Variants in TRPM3 observed in about 807,000 individuals in gnomAD.
TRPM3 encodes long transient receptor potential channel 3.
A neutral mutation model predicts 181.2 loss-of-function variants in TRPM3; 77 were observed. That is an observed-to-expected ratio of 0.42 (90% confidence interval 0.35 to 0.51). The LOEUF (loss-of-function observed/expected upper bound fraction) is 0.51. Ranked by LOEUF, TRPM3 falls within the 20% of genes least tolerant of loss-of-function variation. TRPM3 has a pLI of 0.01. For synonymous variants in TRPM3, 745 were observed against 796.4 expected (o/e 0.94, Z 1.09); for missense variants, 1,759 against 2,196.7 (o/e 0.80, Z 3.98).
At chr9:71,132,384 G>C (rs1026394547) in intron 1 of TRPM3, among the ~76,000 whole-genome samples, 5 of 152,120 alleles carry the variant, frequency 3.3e-5, no homozygotes, top group African/African-American at 1.2e-4. Flanking sequence ...ACAGCAATGT[G>C]AATGAATCTC....
intron 1 of TRPM3, among the ~76,000 whole-genome samples, chr9:71,317,920 GA>G (rs1052527637): frequency 1.3e-5 from 2 of 152,088 alleles, no homozygotes; most frequent in South Asian, 2.1e-4. Flanking sequence ...ATACATCCTA[GA>G]AAAAGTACAG....
chr9:71,178,822 G>A (rs2077244298), intron 1 of TRPM3, among the ~76,000 whole-genome samples: 1 of 152,082 alleles, frequency 6.6e-6, no homozygotes, highest in East Asian at 1.9e-4. Flanking sequence ...TGAGCTCGCT[G>A]TTAAAAATGC....
intron 1 of TRPM3, among the ~76,000 whole-genome samples, chr9:70,954,613 T>C (rs1398111882): frequency 1.3e-5 from 2 of 152,188 alleles, no homozygotes; most frequent in Admixed American, 6.5e-5. Flanking sequence ...TATAATAGTA[T>C]ACATATGACA....
At chr9:71,331,886 A>G (rs143345871) in intron 1 of TRPM3, among the ~76,000 whole-genome samples, 2 of 7,590 alleles carry the variant, frequency 2.6e-4, no homozygotes, top group Non-Finnish European at 4.3e-4. Flanking sequence ...AAGAGGAGGA[A>G]GAAGGGGAGG....
chr9:71,246,936 A>C (rs73647980), intron 1 of TRPM3, among the ~76,000 whole-genome samples: 2,856 of 152,342 alleles, frequency 0.019, 95 homozygotes, highest in African/African-American at 0.066. Flanking sequence ...AAAGCTAAAA[A>C]CTAGCAAAAT....
intron 7 of TRPM3, among the ~76,000 whole-genome samples, chr9:70,770,893 T>A (rs2080115796): frequency 6.6e-6 from 1 of 152,168 alleles, no homozygotes; most frequent in Non-Finnish European, 1.5e-5. Flanking sequence ...CCGGCATGCA[T>A]ATTAGCTGGA....
intron 1 of TRPM3, among the ~76,000 whole-genome samples, chr9:71,098,384 A>G (rs1043721834): frequency 1.3e-5 from 2 of 152,178 alleles, no homozygotes; most frequent in Non-Finnish European, 2.9e-5. Context: ...AAAGGAGCAG[A>G]TATGTGTGTG....
chr9:71,361,710 G>C (rs1424785238), intron 1 of TRPM3, among the ~76,000 whole-genome samples: 2 of 152,058 alleles, frequency 1.3e-5, no homozygotes, highest in African/African-American at 4.8e-5. Context: ...GTTAATAATG[G>C]CTTTTATTGT....
chr9:70,999,071 A>T (rs1466554493), intron 1 of TRPM3, among the ~76,000 whole-genome samples: 2 of 152,158 alleles, frequency 1.3e-5, no homozygotes, highest in Non-Finnish European at 2.9e-5. Flanking sequence ...ATTTTACCTC[A>T]AGATGAGTTT....
At chr9:70,784,370 A>G (rs906637762) in intron 6 of TRPM3, 91 bp from the exon 7 acceptor site, 25 of 1,367,560 alleles carry the variant, frequency 1.8e-5, no homozygotes, top group Non-Finnish European at 2.3e-5. Flanking sequence ...AAAAAGCACA[A>G]ACTAAAATTA....
chr9:71,353,827 A>G (rs559103438), intron 1 of TRPM3, among the ~76,000 whole-genome samples: 1 of 152,308 alleles, frequency 6.6e-6, no homozygotes, highest in East Asian at 1.9e-4. Flanking sequence ...ATATTGGTGA[A>G]CAGAAAGTTG....
chr9:71,004,467 A>G (rs771070386), intron 1 of TRPM3, among the ~76,000 whole-genome samples: 4 of 152,272 alleles, frequency 2.6e-5, no homozygotes, highest in Admixed American at 6.5e-5. Flanking sequence ...TCCAGTGTTA[A>G]GTAGTAAAAG....
At chr9:71,076,180 G>A (rs78142774) in intron 1 of TRPM3, among the ~76,000 whole-genome samples, 2,071 of 152,214 alleles carry the variant, frequency 0.014, 36 homozygotes, top group African/African-American at 0.048. Flanking sequence ...TTCAGTTTTC[G>A]GAAATTTTGC....
chr9:71,007,390 C>A (rs915731289), intron 1 of TRPM3, among the ~76,000 whole-genome samples: 5 of 152,022 alleles, frequency 3.3e-5, no homozygotes, highest in African/African-American at 9.7e-5. Flanking sequence ...AAATTCCACT[C>A]AACAGCTGAA....
chr9:70,928,851 C>A (rs894718044), intron 1 of TRPM3, among the ~76,000 whole-genome samples: 4 of 152,206 alleles, frequency 2.6e-5, no homozygotes, highest in African/African-American at 4.8e-5. Context: ...GTTGTGCTGA[C>A]AATTAGCCAC....
chr9:71,285,680 C>T lies in TRPM3; in HGVS notation c.183+160973G>A, dbSNP rs79540686. Among the ~76,000 whole-genome samples the T allele has an allele frequency of 2.3e-3, 356 of 152,290 alleles. 1 individual carries two copies. The highest frequency in any genetic ancestry group is 3.7e-3 in the Non-Finnish European group (253 of 68,028). ...CAAGCCAGCTCAAGTGCTCAGACAT[C>T]ATACAAGGCTTTCTTGGCTGAGAAG... On this transcript the variant is annotated intron_variant, in intron 1 of 24. Coordinates refer to the TRPM3 transcript ENST00000357533.
At chr9:71,088,956 G>C (rs929554609) in intron 1 of TRPM3, among the ~76,000 whole-genome samples, 2 of 151,606 alleles carry the variant, frequency 1.3e-5, no homozygotes, top group African/African-American at 2.4e-5. Flanking sequence ...GATAGCTTCT[G>C]ATAGAAGCTC....
rs139553616 is a variant in TRPM3 at position 70,856,171 on chromosome 9, G to T, written c.462+6737C>A. Among the ~76,000 whole-genome samples the T allele has an allele frequency of 5.5e-4, 84 of 152,276 alleles. 2 individuals carry two copies. In the East Asian group the frequency reaches 0.012, roughly 21 times the overall value. On this transcript the variant is annotated intron_variant, in intron 3 of 25. Transcript: ENST00000677713. ...ATTTTCTAGACGCAAAGATAGGATG[G>T]TTTCTTGGATGAGAATTGGTTCTTC...
At chr9:71,373,158 A>G (rs1057027488) in intron 1 of TRPM3, among the ~76,000 whole-genome samples, 1 of 152,190 alleles carries the variant, frequency 6.6e-6, no homozygotes, top group South Asian at 2.1e-4. Flanking sequence ...CTACATGCCC[A>G]CATGAGAAAG....
Sources: gnomAD v4.1 joint callset for allele counts (sites outside exome capture counted in the v4.1 genomes callset) on GRCh38, gnomAD v4.1.1 for gene constraint, MANE v1.5 for transcripts, NCBI Gene and HGNC (gene_info 2026-07-23, HGNC 2026-07-21) for gene names.